SIM2: variants seen among roughly 807,000 people sequenced by gnomAD.
SIM2 encodes single-minded homolog 2.
In SIM2, 28 loss-of-function variants were observed where a neutral mutation model predicts 64.8. The observed-to-expected ratio is 0.43, with a 90% CI of 0.32 to 0.59. The LOEUF (loss-of-function observed/expected upper bound fraction) is 0.59, where lower values mean the gene tolerates loss of function less well. Among genes scored for constraint, SIM2 ranks in the 20% least tolerant of loss-of-function variants. SIM2 has a pLI of 0.07. For synonymous variants in SIM2, 408 were observed against 391.1 expected (o/e 1.04, Z -0.51); for missense variants, 847 against 871.4 (o/e 0.97, Z 0.35).
chr21:36,723,348 G>A (rs1252654238), intron 5 of SIM2, among the ~76,000 whole-genome samples: 1 of 152,144 alleles, frequency 6.6e-6, no homozygotes, highest in Non-Finnish European at 1.5e-5. Context: ...CATAAGACCC[G>A]GAATCAGTGT....
intron 2 of SIM2, chr21:36,710,307 CG>C (rs1851431638): frequency 6.6e-6 from 1 of 152,214 alleles, no homozygotes; most frequent in South Asian, 2.1e-4. Flanking sequence ...CTTAGCGCCC[CG>C]AGCCCGGGGC....
chr21:36,747,926 G>T lies in SIM2; in HGVS notation c.1838G>T (p.Gly613Val). 1 of 1,038,368 alleles carries T rather than the reference G, an allele frequency of 9.6e-7. No individual in the cohort carries two copies. The highest frequency in any genetic ancestry group is 1.2e-6 in the Non-Finnish European group (1 of 862,582). 64.3% of individuals were successfully genotyped at this position (1,038,368 alleles called of 1,614,324 possible). Residue 613 changes from glycine (G) to valine (V), a missense_variant, in exon 11 of 11, where the codon GGG becomes GTG. This residue lies in a region of SIM2 where 447 missense variants were observed against 414.6 expected (regional missense o/e 1.08). Coordinates refer to ENST00000290399, the MANE Select transcript of SIM2 (RefSeq NM_005069.6). The surrounding 1 kb of genome is among the most constrained non-coding windows in gnomAD (Gnocchi z 4.5). ...HRVLARRGPLGGAAPAASGLA... is the reference protein window; with the variant it reads ...HRVLARRGPLVGAAPAASGLA... ...GTGCTGGCCCGGCGCGGACCGCTGG[G>T]GGGCGCCGCACCCGCCGCCTCCGGC...
chr21:36,729,083 A>C (rs1007159577), intron 6 of SIM2, among the ~76,000 whole-genome samples: 2 of 152,168 alleles, frequency 1.3e-5, no homozygotes, highest in Non-Finnish European at 2.9e-5. Context: ...AAACCCCTCC[A>C]TTTCCCTTTA....
In SIM2 at chr21:36,745,367, G is replaced by A. The variant is rs565363510; in HGVS notation, c.1576+231G>A. 13 of 1,407,954 alleles carry A rather than the reference G, an allele frequency of 9.2e-6. No homozygotes were observed. The highest frequency in any genetic ancestry group is 5.4e-5 in the East Asian group (2 of 36,998). 87.2% of individuals were successfully genotyped at this position (1,407,954 alleles called of 1,614,324 possible). ...TCGGGGACACTAGTGACAGTATAAA[G>A]GGCAAAGGAAAACCGAGTATCTGGC... On this transcript the variant is annotated intron_variant, in intron 10 of 10. Coordinates refer to ENST00000290399, the MANE Select transcript of SIM2 (RefSeq NM_005069.6). This position sits in a 1 kb window ranked among gnomAD's most constrained non-coding sequence, Gnocchi z 4.8.
chr21:36,745,949 C>G lies in SIM2; in HGVS notation c.1576+813C>G. On this transcript the variant is annotated intron_variant, in intron 10 of 10. Coordinates refer to ENST00000290399, the MANE Select transcript of SIM2 (RefSeq NM_005069.6). The surrounding 1 kb of genome is among the most constrained non-coding windows in gnomAD (Gnocchi z 4.8). ...TCCCATTGCACCGAGACCTAACTGCCGCTCAGAGTGTAGACCGAGATGGTG... is the reference window on the plus strand; with the variant it reads ...TCCCATTGCACCGAGACCTAACTGCGGCTCAGAGTGTAGACCGAGATGGTG... 2 of 1,243,646 alleles carry G rather than the reference C, an allele frequency of 1.6e-6. No individual in the cohort carries two copies. The highest frequency in any genetic ancestry group is 2.1e-6 in the Non-Finnish European group (2 of 956,034). 77.0% of individuals were successfully genotyped at this position (1,243,646 alleles called of 1,614,324 possible). A position where few individuals can be genotyped will look rare whatever the true frequency, so the allele number is the denominator to read the frequency against.
intron 1 of SIM2, among the ~76,000 whole-genome samples, chr21:36,702,279 A>AG (rs962000872): frequency 6.6e-6 from 1 of 151,764 alleles, no homozygotes; most frequent in Admixed American, 6.6e-5. Flanking sequence ...TGTCTTTTGG[A>AG]GGGGGTGACC....
In SIM2 at chr21:36,743,563, G is replaced by T; in HGVS notation, c.1167+8G>T. On this transcript the variant is annotated splice_region_variant and intron_variant, in intron 9 of 10. Coordinates refer to ENST00000290399, the MANE Select transcript of SIM2 (RefSeq NM_005069.6). ...AACCCTTACCCCCCACAGGTAACAC[G>T]CATGTCCTGCAGTTTTGGGGTGCTG... 6.2e-7 allele frequency: 1 copy of T among 1,611,654 alleles called. No individual in the cohort carries two copies. The highest frequency in any genetic ancestry group is 1.3e-5 in the African/African-American group (1 of 74,964).
chr21:36,748,056 C>T lies in SIM2; in HGVS notation c.1968C>T (p.Tyr656=). 4 of 1,203,578 alleles carry T rather than the reference C, an allele frequency of 3.3e-6. No individual in the cohort carries two copies. Among genetic ancestry groups the T allele is most frequent in the African/African-American group, 1.6e-5 (1 of 63,248 alleles). 74.6% of individuals were successfully genotyped at this position (1,203,578 alleles called of 1,614,324 possible). A position where few individuals can be genotyped will look rare whatever the true frequency, so the allele number is the denominator to read the frequency against. The part of the protein sequence containing the change: ...TSPPGAPLPH[Y]LGASVIITNG... ...CGCCCGGCGCGCCCCTGCCGCACTA[C>T]CTGGGCGCCTCGGTCATCATCACCA... is the stretch of plus-strand genomic sequence containing the variant. The change falls in exon 11 of 11, where the codon TAC becomes TAT. Residue 656 remains tyrosine (Y), a synonymous_variant. Coordinates refer to ENST00000290399, the MANE Select transcript of SIM2 (RefSeq NM_005069.6).
intron 2 of SIM2, chr21:36,709,763 C>A: frequency 3.7e-6 from 1 of 272,114 alleles, no homozygotes; most frequent in Non-Finnish European, 7.2e-6. Flanking sequence ...AGTTCCGGAC[C>A]TTATTGACTT....
intron 7 of SIM2, among the ~76,000 whole-genome samples, chr21:36,738,295 A>C (rs958722816): frequency 2.0e-5 from 3 of 152,184 alleles, no homozygotes; most frequent in African/African-American, 7.2e-5. Flanking sequence ...TCATGAGGTC[A>C]GGAGTTAGAG....
chr21:36,743,883 T>C (rs1055640544), intron 9 of SIM2, among the ~76,000 whole-genome samples: 1 of 152,220 alleles, frequency 6.6e-6, no homozygotes, highest in African/African-American at 2.4e-5. Context: ...TACCAGTCCA[T>C]TGTATTTCTG....
intron 7 of SIM2, among the ~76,000 whole-genome samples, chr21:36,737,525 G>C (rs181312779): frequency 1.1e-4 from 17 of 152,338 alleles, no homozygotes; most frequent in African/African-American, 3.1e-4. Flanking sequence ...CAGTAAACCT[G>C]ACAGTTTGTG....
At chr21:36,718,222 C>T (rs761239617) in intron 3 of SIM2, among the ~76,000 whole-genome samples, 3 of 152,146 alleles carry the variant, frequency 2.0e-5, no homozygotes, top group Non-Finnish European at 4.4e-5. Context: ...GAAGAACTGG[C>T]TCAGAGGAGT....
chr21:36,713,165 T>C (rs1350075790), intron 3 of SIM2, among the ~76,000 whole-genome samples: 1 of 152,252 alleles, frequency 6.6e-6, no homozygotes, highest in Non-Finnish European at 1.5e-5. Flanking sequence ...GCATTTTATA[T>C]GCTTGTGATA....
chr21:36,737,969 A>AAAAAAAAAAAAAAAAAAG, intron 7 of SIM2, among the ~76,000 whole-genome samples: 1 of 123,026 alleles, frequency 8.1e-6, no homozygotes, highest in Non-Finnish European at 2.0e-5. Context: ...CTCAAAAAAA[A>AAAAAAAAAAAAAAAAAAG]AAAAAAAAAA....
Position 36,716,860 on chromosome 21 carries a change from ATT to A in SIM2, c.349-2948_349-2947del, listed in dbSNP as rs55850625. Among the ~76,000 whole-genome samples, 64 of 148,092 alleles carry A rather than the reference ATT, an allele frequency of 4.3e-4. No individual in the cohort carries two copies. In the South Asian group the frequency reaches 8.0e-3, roughly 18 times the overall value. ...AGGGAGTTTTATAGCGACAACCATA[ATT>A]TTTTTTTTTTTTGTGAGGTAGTCAC... On this transcript the variant is annotated intron_variant, in intron 3 of 10. Coordinates refer to ENST00000290399, the MANE Select transcript of SIM2 (RefSeq NM_005069.6).
chr21:36,716,078 C>T (rs925986345), intron 3 of SIM2, among the ~76,000 whole-genome samples: 4 of 152,208 alleles, frequency 2.6e-5, no homozygotes, highest in Admixed American at 6.5e-5. Flanking sequence ...GGCACACTCG[C>T]ACACGTGTCC....
intron 7 of SIM2, among the ~76,000 whole-genome samples, chr21:36,732,649 C>A (rs1168245796): frequency 2.6e-5 from 4 of 152,206 alleles, no homozygotes; most frequent in East Asian, 1.9e-4. Flanking sequence ...TGTGAACAAC[C>A]CTTTTGTGTC....
chr21:36,705,687 C>T (rs1001659719), intron 1 of SIM2, among the ~76,000 whole-genome samples: 1 of 152,196 alleles, frequency 6.6e-6, no homozygotes, highest in Non-Finnish European at 1.5e-5. Context: ...GAGGTGAGAC[C>T]CCTGCACCCA....
Sources: gnomAD v4.1 joint callset for allele counts (sites outside exome capture counted in the v4.1 genomes callset) on GRCh38, gnomAD v4.1.1 for gene constraint, gnomAD v4.1.1 regional missense constraint, Gnocchi (gnomAD v3.1) non-coding constraint, MANE v1.5 for transcripts, NCBI Gene and HGNC (gene_info 2026-07-23, HGNC 2026-07-21) for gene names.